Variants in SEMA4D observed in about 807,000 individuals in gnomAD.
The protein encoded by SEMA4D is semaphorin-4D.
SEMA4D carries 22 observed loss-of-function variants against 74.8 expected under a neutral mutation model. The observed-to-expected ratio is 0.29, with a 90% CI of 0.21 to 0.42. The LOEUF is 0.42. Ranked by LOEUF, SEMA4D falls within the 10% of genes least tolerant of loss-of-function variation. SEMA4D has a pLI of 1.00. For missense variants in SEMA4D, 937 were observed against 1,118.4 expected (o/e 0.84, Z 2.31); for synonymous variants, 445 against 463.7 (o/e 0.96, Z 0.52).
intron 1 of SEMA4D, among the ~76,000 whole-genome samples, chr9:89,458,611 C>T (rs1856516402): frequency 6.6e-6 from 1 of 152,070 alleles, no homozygotes. Context: ...CACACAGGTA[C>T]ACCACACCCA....
chr9:89,364,304 C>G (rs946543463), intron 16 of SEMA4D: 17 of 375,152 alleles, frequency 4.5e-5, no homozygotes, highest in Middle Eastern at 8.5e-4. Flanking sequence ...GGCCCTGCTG[C>G]CACACACATG....
intron 2 of SEMA4D, among the ~76,000 whole-genome samples, chr9:89,422,598 G>A (rs1053116705): frequency 1.2e-4 from 18 of 152,352 alleles, no homozygotes; most frequent in Non-Finnish European, 2.4e-4. Context: ...CGTTTATTAC[G>A]TGGTGCCCTC....
intron 1 of SEMA4D, among the ~76,000 whole-genome samples, chr9:89,477,761 T>A (rs1025264419): frequency 6.6e-6 from 1 of 152,248 alleles, no homozygotes; most frequent in Non-Finnish European, 1.5e-5. Flanking sequence ...CTTTGCTTTC[T>A]GTCTTCATTT....
chr9:89,462,424 T>TA lies in SEMA4D; in HGVS notation c.-309-6472dup, dbSNP rs564662154. ...GAAGTGGCCACCAATGCTCTTCCTT[T>TA]ATAACAACATTGATGTGAGCAACGG... On this transcript the variant is annotated intron_variant, in intron 1 of 15. Coordinates refer to ENST00000422704, the MANE Select transcript of SEMA4D (RefSeq NM_001371194.2). Among the ~76,000 whole-genome samples the TA allele has an allele frequency of 7.2e-5, 11 of 152,336 alleles. No homozygotes were observed. In the East Asian group the frequency reaches 1.9e-3, roughly 27 times the overall value.
At chr9:89,443,194 G>A (rs550774927) in intron 2 of SEMA4D, among the ~76,000 whole-genome samples, 10 of 152,334 alleles carry the variant, frequency 6.6e-5, no homozygotes, top group South Asian at 2.1e-4. Flanking sequence ...TGTCAGTGGC[G>A]GGATTATGAC....
chr9:89,421,333 A>C (rs1297412080), intron 2 of SEMA4D, among the ~76,000 whole-genome samples: 1 of 152,170 alleles, frequency 6.6e-6, no homozygotes, highest in Non-Finnish European at 1.5e-5. Flanking sequence ...GCATATTACA[A>C]CACAATACCA....
intron 2 of SEMA4D, among the ~76,000 whole-genome samples, chr9:89,409,712 G>C (rs535491387): frequency 6.6e-6 from 1 of 152,226 alleles, no homozygotes; most frequent in African/African-American, 2.4e-5. Flanking sequence ...GAGCAGAGAC[G>C]CAAGACCCAC....
chr9:89,439,820 A>T (rs1308960940), intron 2 of SEMA4D, among the ~76,000 whole-genome samples: 1 of 152,246 alleles, frequency 6.6e-6, no homozygotes, highest in Admixed American at 6.5e-5. Context: ...AAAAAAAGTC[A>T]GTGATGCCCC....
intron 11 of SEMA4D, 52 bp downstream of exon 11, chr9:89,388,584 T>C (rs1303015406): frequency 1.1e-5 from 17 of 1,559,632 alleles, no homozygotes; most frequent in East Asian, 2.3e-5. Context: ...CTGGATTCCA[T>C]GCCCTGGGCC....
At chr9:89,394,120 A>G (rs536281678) in intron 6 of SEMA4D, among the ~76,000 whole-genome samples, 21 of 152,338 alleles carry the variant, frequency 1.4e-4, no homozygotes, top group African/African-American at 4.6e-4. Flanking sequence ...ACGTCGCTCC[A>G]CCCACCAAAA....
At chr9:89,370,792 G>A (rs1398486560) in intron 16 of SEMA4D, among the ~76,000 whole-genome samples, 1 of 144,738 alleles carries the variant, frequency 6.9e-6, no homozygotes, top group East Asian at 2.1e-4. Context: ...TGGGGTGTAT[G>A]TGTGGGGTGT....
chr9:89,468,691 T>TC (rs565074549), intron 1 of SEMA4D, among the ~76,000 whole-genome samples: 59 of 152,204 alleles, frequency 3.9e-4, no homozygotes, highest in African/African-American at 1.3e-3. Flanking sequence ...GAAAATCTCA[T>TC]CCCCCCTCTA....
chr9:89,419,402 C>A (rs1346235975), intron 2 of SEMA4D, among the ~76,000 whole-genome samples: 2 of 152,126 alleles, frequency 1.3e-5, no homozygotes, highest in Admixed American at 1.3e-4. Flanking sequence ...CATTTGGGCA[C>A]AACTGCTGGA....
intron 2 of SEMA4D, among the ~76,000 whole-genome samples, chr9:89,424,025 A>T (rs1017128950): frequency 4.4e-5 from 5 of 112,418 alleles, no homozygotes; most frequent in African/African-American, 1.8e-4. Flanking sequence ...CTCCCTCAGT[A>T]CCTCTCCTCC....
At chr9:89,455,485 C>T (rs886621546) in intron 2 of SEMA4D, among the ~76,000 whole-genome samples, 5 of 152,182 alleles carry the variant, frequency 3.3e-5, no homozygotes, top group Non-Finnish European at 7.4e-5. Context: ...AATATGAACT[C>T]CTAGGCGCAC....
At chr9:89,430,849 C>T (rs532581006) in intron 2 of SEMA4D, among the ~76,000 whole-genome samples, 54 of 151,812 alleles carry the variant, frequency 3.6e-4, no homozygotes, top group African/African-American at 1.2e-3. Flanking sequence ...TGGTGGCTCG[C>T]GCCTGTAATC....
At chr9:89,426,678 C>T (rs1288863301) in intron 2 of SEMA4D, among the ~76,000 whole-genome samples, 2 of 152,188 alleles carry the variant, frequency 1.3e-5, no homozygotes, top group East Asian at 3.8e-4. Flanking sequence ...CACGCAGCCT[C>T]GACCTGATCT....
At chr9:89,476,769 G>T (rs576980592) in intron 1 of SEMA4D, among the ~76,000 whole-genome samples, 1 of 152,148 alleles carries the variant, frequency 6.6e-6, no homozygotes, top group African/African-American at 2.4e-5. Flanking sequence ...AAGGTATCAC[G>T]CCAGGCTCCA....
chr9:89,374,326 G>A (rs980491842), downstream of SEMA4D, among the ~76,000 whole-genome samples: 3 of 152,168 alleles, frequency 2.0e-5, no homozygotes, highest in East Asian at 1.9e-4. Context: ...ATCTGTGACC[G>A]CCAGCTTTCT....
Sources: allele counts gnomAD v4.1 joint callset (sites outside exome capture counted in the v4.1 genomes callset), GRCh38; gene constraint gnomAD v4.1.1; transcripts MANE v1.5; gene names NCBI Gene and HGNC (gene_info 2026-07-23, HGNC 2026-07-21).